CATSPERE: variants seen among roughly 807,000 people sequenced by gnomAD.
CATSPERE encodes catsper channel auxiliary subunit epsilon.
Under a neutral mutation model 114.1 loss-of-function variants are expected in CATSPERE, and 93 were observed. That is an observed-to-expected ratio of 0.81 (90% CI 0.69 to 0.97). The LOEUF (loss-of-function observed/expected upper bound fraction) is 0.97. Ranked by LOEUF, CATSPERE falls within the 50% of genes least tolerant of loss-of-function variation. The probability of loss-of-function intolerance (pLI) is 0.00; values close to 1 mark genes in which losing one functional copy is unlikely to be tolerated. For missense variants in CATSPERE, 1,058 were observed against 1,131.6 expected (o/e 0.93, Z 0.93); for synonymous variants, 341 against 384.1 (o/e 0.89, Z 1.31).
chr1:244,588,982 A>G (rs1051174486), intron 14 of CATSPERE, among the ~76,000 whole-genome samples: 4 of 152,168 alleles, frequency 2.6e-5, no homozygotes, highest in African/African-American at 9.7e-5. Context: ...TTTCTATGGG[A>G]AATTTCTTAG....
chr1:244,467,266 C>A (rs925383013), intron 2 of CATSPERE, among the ~76,000 whole-genome samples: 2 of 151,788 alleles, frequency 1.3e-5, no homozygotes, highest in African/African-American at 4.9e-5. Context: ...CTTTAAGAAG[C>A]ACATCATTTC....
chr1:244,575,480 C>T lies in CATSPERE; in HGVS notation c.1950+2708C>T, dbSNP rs959574845. On this transcript the variant is annotated intron_variant, in intron 11 of 21. Coordinates refer to ENST00000366534, the MANE Select transcript of CATSPERE (RefSeq NM_001130957.2). The surrounding 1 kb of genome is among the most constrained non-coding windows in gnomAD (Gnocchi z 4.5). ...CAGGCGTCCATGGCCAGCTGTCCTC[C>T]GAGGGTGGCAGGACGTACCTGAGCA... Among the ~76,000 whole-genome samples, 2 of 152,162 alleles carry T rather than the reference C, an allele frequency of 1.3e-5. No individual in the cohort carries two copies. The highest frequency in any genetic ancestry group is 2.1e-4 in the South Asian group (1 of 4,834).
At chr1:244,560,483 G>C (rs1018108591) in intron 9 of CATSPERE, among the ~76,000 whole-genome samples, 185 bp from the exon 10 acceptor site, 13 of 151,314 alleles carry the variant, frequency 8.6e-5, no homozygotes, top group African/African-American at 3.2e-4. Context: ...TCAGGTGATG[G>C]GTGCACCAGA....
chr1:244,634,462 C>G (rs1424683789), intron 20 of CATSPERE, among the ~76,000 whole-genome samples: 3 of 152,186 alleles, frequency 2.0e-5, no homozygotes, highest in Non-Finnish European at 2.9e-5. Flanking sequence ...TGTGTTCTCC[C>G]ACATGTAGGT....
intron 7 of CATSPERE, among the ~76,000 whole-genome samples, chr1:244,500,128 G>A (rs1673796677): frequency 1.3e-5 from 2 of 151,968 alleles, no homozygotes; most frequent in African/African-American, 4.8e-5. Context: ...TATGTTTGCT[G>A]GCTGCATAAA....
chr1:244,606,627 A>C (rs1670042833), intron 18 of CATSPERE, among the ~76,000 whole-genome samples: 1 of 132,322 alleles, frequency 7.6e-6, no homozygotes, highest in African/African-American at 2.9e-5. Context: ...TTTTTTTAAG[A>C]GTCTCGCTCT....
intron 8 of CATSPERE, among the ~76,000 whole-genome samples, chr1:244,531,881 T>G (rs898625718): frequency 1.3e-5 from 2 of 152,224 alleles, no homozygotes; most frequent in African/African-American, 4.8e-5. Flanking sequence ...CTTCTATTTT[T>G]GGGGATAGTT....
intron 2 of CATSPERE, among the ~76,000 whole-genome samples, chr1:244,466,474 G>A (rs1168026802): frequency 6.6e-6 from 1 of 152,148 alleles, no homozygotes; most frequent in Non-Finnish European, 1.5e-5. Context: ...GCAGAATCCA[G>A]CCAGTACACA....
At chr1:244,494,970 A>G (rs558866153) in intron 6 of CATSPERE, among the ~76,000 whole-genome samples, 6 of 152,224 alleles carry the variant, frequency 3.9e-5, no homozygotes, top group Admixed American at 3.9e-4. Context: ...GAATTTTAAT[A>G]TACATAGAAA....
chr1:244,572,522 C>G lies in CATSPERE; in HGVS notation c.1700C>G (p.Pro567Arg). 1 of 1,614,018 alleles carries G rather than the reference C, an allele frequency of 6.2e-7. No individual in the cohort carries two copies. The highest frequency in any genetic ancestry group is 8.5e-7 in the Non-Finnish European group (1 of 1,179,928). The stretch of plus-strand genomic sequence containing the variant: ...GGCACAATACAAATACAGGACTATC[C>G]CTTACATCTGGAAGCACAAAGTATA... ...DDGTIQIQDY[P>R]LHLEAQSIAF... Residue 567 changes from proline (P) to arginine (R), a missense_variant, in exon 11 of 22, where the codon CCC becomes CGC. Pro to Arg is a moderately radical substitution (Grantham distance 103). Around this residue, in one of 2 missense-constraint regions of CATSPERE, gnomAD observed 787 missense variants for 905.6 expected, o/e 0.87. Coordinates refer to ENST00000366534, the MANE Select transcript of CATSPERE (RefSeq NM_001130957.2).
rs80315524 is a variant in CATSPERE, at chr1:244,467,509, C to G, written c.114+3553C>G. ...AAGCAGTAGGAACTCTAATACACCA[C>G]TAGAAGGAATGCAGGTTGGTATAAC... On this transcript the variant is annotated intron_variant, in intron 2 of 21. Transcript: ENST00000366534. Among the ~76,000 whole-genome samples the G allele has an allele frequency of 0.018, 2,729 of 152,254 alleles. 344 individuals are homozygous for G. The East Asian group carries it at 0.36, about 20-fold the overall frequency.
At chr1:244,481,490 G>A (rs933056284) in intron 5 of CATSPERE, among the ~76,000 whole-genome samples, 2 of 151,970 alleles carry the variant, frequency 1.3e-5, no homozygotes, top group Non-Finnish European at 2.9e-5. Flanking sequence ...AAATATTCCT[G>A]GTAGAGCTGA....
chr1:244,599,163 A>G (rs1430014595), intron 17 of CATSPERE, among the ~76,000 whole-genome samples: 3 of 152,178 alleles, frequency 2.0e-5, no homozygotes, highest in African/African-American at 4.8e-5. Flanking sequence ...CCATGGCTCA[A>G]ATCTAACTGC....
At chr1:244,622,173 T>G (rs963585107) in intron 20 of CATSPERE, among the ~76,000 whole-genome samples, 2 of 152,126 alleles carry the variant, frequency 1.3e-5, no homozygotes, top group Non-Finnish European at 2.9e-5. Flanking sequence ...CCGTAAGGTT[T>G]TATGTAATAA....
chr1:244,580,942 A>C (rs991644664), intron 11 of CATSPERE, among the ~76,000 whole-genome samples: 6 of 152,100 alleles, frequency 3.9e-5, no homozygotes, highest in Non-Finnish European at 8.8e-5. Context: ...TGGAGGTTGT[A>C]GTGAGCCAAG....
At chr1:244,550,819 G>T (rs1660491348) in intron 8 of CATSPERE, among the ~76,000 whole-genome samples, 1 of 152,184 alleles carries the variant, frequency 6.6e-6, no homozygotes, top group African/African-American at 2.4e-5. Flanking sequence ...TTAAGAAAAT[G>T]AGTGACTCAA....
At chr1:244,590,236 G>A (rs1232734164) in intron 14 of CATSPERE, among the ~76,000 whole-genome samples, 1 of 152,132 alleles carries the variant, frequency 6.6e-6, no homozygotes, top group East Asian at 1.9e-4. Context: ...TCTGTCTTAT[G>A]AACCCTAACT....
chr1:244,622,242 A>C (rs188206838), intron 20 of CATSPERE, among the ~76,000 whole-genome samples: 142 of 152,268 alleles, frequency 9.3e-4, no homozygotes, highest in African/African-American at 3.3e-3. Context: ...GCTAGGTAGA[A>C]AATAAGTACA....
chr1:244,569,138 C>A (rs1034735390), intron 10 of CATSPERE, among the ~76,000 whole-genome samples: 1 of 152,042 alleles, frequency 6.6e-6, no homozygotes, highest in Non-Finnish European at 1.5e-5. Context: ...TTATGGAAGA[C>A]CAGACTGTTC....
Sources: gnomAD v4.1 joint callset for allele counts (sites outside exome capture counted in the v4.1 genomes callset) on GRCh38, gnomAD v4.1.1 for gene constraint, gnomAD v4.1.1 regional missense constraint, Gnocchi (gnomAD v3.1) non-coding constraint, MANE v1.5 for transcripts, NCBI Gene and HGNC (gene_info 2026-07-23, HGNC 2026-07-21) for gene names.